STK3: variants seen among roughly 807,000 people sequenced by gnomAD.
STK3 encodes the protein serine/threonine-protein kinase 3.
STK3 carries 41 observed loss-of-function variants against 58.0 expected under a neutral mutation model. The observed-to-expected ratio is 0.71, with a 90% CI of 0.55 to 0.92. The LOEUF (loss-of-function observed/expected upper bound fraction) is 0.92, where lower values mean the gene tolerates loss of function less well. Among genes scored for constraint, STK3 ranks in the 40% least tolerant of loss-of-function variants. The pLI is 0.00. For synonymous variants in STK3, 170 were observed against 191.0 expected (o/e 0.89, Z 0.91); for missense variants, 479 against 602.7 (o/e 0.79, Z 2.15).
chr8:98,697,898 G>T (rs1388455125), intron 6 of STK3, among the ~76,000 whole-genome samples: 1 of 152,154 alleles, frequency 6.6e-6, no homozygotes, highest in Non-Finnish European at 1.5e-5. Context: ...GCACAGCTGA[G>T]TTCAATTCCT....
At chr8:98,644,464 GA>G (rs1301460762) in intron 6 of STK3, among the ~76,000 whole-genome samples, 1 of 152,078 alleles carries the variant, frequency 6.6e-6, no homozygotes, top group Non-Finnish European at 1.5e-5. Context: ...TAAGTCTTTA[GA>G]AAAGCTTCTG....
intron 10 of STK3, among the ~76,000 whole-genome samples, chr8:98,476,297 T>A (rs1248204403): frequency 1.3e-5 from 2 of 152,220 alleles, no homozygotes; most frequent in African/African-American, 4.8e-5. Flanking sequence ...GAGACTTTTA[T>A]TGCCCCACAA....
At chr8:98,726,110 C>A (rs1302683238) in intron 4 of STK3, among the ~76,000 whole-genome samples, 1 of 152,164 alleles carries the variant, frequency 6.6e-6, no homozygotes, top group Non-Finnish European at 1.5e-5. Flanking sequence ...CAATGACAGG[C>A]AGTCTGCCTG....
chr8:98,449,631 C>G (rs1819108000), downstream of STK3, among the ~76,000 whole-genome samples: 1 of 152,096 alleles, frequency 6.6e-6, no homozygotes, highest in Non-Finnish European at 1.5e-5. Context: ...CAATAATCAT[C>G]TTAAAGAGGA....
intron 6 of STK3, among the ~76,000 whole-genome samples, chr8:98,650,543 C>T (rs1045987352): frequency 3.9e-5 from 6 of 152,236 alleles, no homozygotes; most frequent in African/African-American, 1.4e-4. Flanking sequence ...GAGGTATTGC[C>T]TCACTCGGGA....
chr8:98,433,802 G>A (rs1818389711), intron 3 of STK3, among the ~76,000 whole-genome samples: 2 of 152,200 alleles, frequency 1.3e-5, no homozygotes, highest in Non-Finnish European at 2.9e-5. Context: ...GACGACAGTT[G>A]CAGGGACAAT....
intron 3 of STK3, among the ~76,000 whole-genome samples, chr8:98,404,889 C>A (rs1218123538): frequency 6.6e-6 from 1 of 152,020 alleles, no homozygotes; most frequent in Non-Finnish European, 1.5e-5. Flanking sequence ...CTGTAGGTTA[C>A]CATTCTGCTT....
At chr8:98,701,667 TACACAC>T (rs35481305) in intron 6 of STK3, among the ~76,000 whole-genome samples, 1 of 150,736 alleles carries the variant, frequency 6.6e-6, no homozygotes, top group African/African-American at 2.4e-5. Flanking sequence ...CACATATATA[TACACAC>T]ACACACTCAC....
chr8:98,889,180 A>G (rs758557751), intron 1 of STK3, among the ~76,000 whole-genome samples: 2 of 152,230 alleles, frequency 1.3e-5, no homozygotes, highest in African/African-American at 2.4e-5. Context: ...TTCAGACCTA[A>G]TTAAAAAGTC....
downstream of STK3, chr8:98,882,911 G>A (rs1002816739): frequency 6.6e-6 from 1 of 152,150 alleles, no homozygotes; most frequent in Admixed American, 6.5e-5. Flanking sequence ...CAGAAATAAG[G>A]TTTTCTAAAT....
At chr8:98,884,846 G>A (rs1211331863) in intron 1 of STK3, among the ~76,000 whole-genome samples, 2 of 152,108 alleles carry the variant, frequency 1.3e-5, no homozygotes, top group African/African-American at 2.4e-5. Flanking sequence ...ATAGTGTTTA[G>A]CACATATTAT....
At chr8:98,385,622 G>A (rs891983989) in intron 1 of STK3, among the ~76,000 whole-genome samples, 2 of 152,048 alleles carry the variant, frequency 1.3e-5, no homozygotes, top group South Asian at 2.1e-4. Flanking sequence ...ACTCCCCTTC[G>A]CAGTGCCCCC....
the STK3 span, among the ~76,000 whole-genome samples, chr8:98,344,818 G>T: frequency 1.0e-4 from 15 of 147,336 alleles, 1 homozygote; most frequent in African/African-American, 3.5e-4. Context: ...GCGTGAACCC[G>T]GGAGGCGGAG....
chr8:98,543,631 A>C (rs1053356425), intron 9 of STK3, among the ~76,000 whole-genome samples: 1 of 152,218 alleles, frequency 6.6e-6, no homozygotes, highest in Admixed American at 6.5e-5. Context: ...AGGTACTTGC[A>C]TGATAACATT....
chr8:98,546,255 A>C (rs546687803), intron 9 of STK3, among the ~76,000 whole-genome samples: 1 of 152,318 alleles, frequency 6.6e-6, no homozygotes, highest in Admixed American at 6.5e-5. Flanking sequence ...TCTAAAAGTC[A>C]CTATACAAAA....
intron 10 of STK3, among the ~76,000 whole-genome samples, chr8:98,507,988 G>A (rs770618429): frequency 4.6e-5 from 7 of 151,890 alleles, no homozygotes; most frequent in Admixed American, 2.0e-4. Context: ...AGTACTTATC[G>A]TCTTTTAGCA....
intron 2 of STK3, among the ~76,000 whole-genome samples, chr8:98,378,342 A>G (rs1222468139): frequency 6.6e-6 from 1 of 152,134 alleles, no homozygotes; most frequent in Non-Finnish European, 1.5e-5. Context: ...ATGCCTCAGA[A>G]CACTCTACTT....
intron 1 of STK3, among the ~76,000 whole-genome samples, chr8:98,887,327 G>T (rs1471800772): frequency 6.6e-6 from 1 of 152,108 alleles, no homozygotes; most frequent in African/African-American, 2.4e-5. Context: ...TTGGAGTTCA[G>T]ATTTTTTGAT....
intron 3 of STK3, among the ~76,000 whole-genome samples, chr8:98,876,709 G>A (rs1474882619): frequency 6.6e-6 from 1 of 152,162 alleles, no homozygotes; most frequent in Admixed American, 6.5e-5. Flanking sequence ...CTCCTAGTAG[G>A]GCTCAATAAA....
Sources: gnomAD v4.1 joint callset for allele counts (sites outside exome capture counted in the v4.1 genomes callset) on GRCh38, gnomAD v4.1.1 for gene constraint, MANE v1.5 for transcripts, NCBI Gene and HGNC (gene_info 2026-07-23, HGNC 2026-07-21) for gene names.